Variants in CAMTA2 observed in about 807,000 individuals in gnomAD.
CAMTA2 encodes calmodulin-binding transcription activator 2.
Under a neutral mutation model 135.7 loss-of-function variants are expected in CAMTA2, and 56 were observed. The observed-to-expected ratio is 0.41, with a 90% confidence interval of 0.33 to 0.52. The LOEUF is 0.52. Among genes scored for constraint, CAMTA2 ranks in the 20% least tolerant of loss-of-function variants. The pLI is 0.16. For missense variants in CAMTA2, 1,358 were observed against 1,553.4 expected, an observed-to-expected ratio of 0.87 and a Z score of 2.11; for synonymous variants, 591 against 604.6, an observed-to-expected ratio of 0.98 and a Z score of 0.33.
At position 4,970,530 on chromosome 17, in the gene CAMTA2, T is replaced by C. The variant is rs754591995; in HGVS notation, c.2815A>G (p.Met939Val). The change falls in exon 17 of 23, where the codon ATG becomes GTG. Residue 939 changes from methionine (M) to valine (V), a missense_variant. Physicochemically the swap from Met to Val is conservative, Grantham distance 21 (BLOSUM62 1). This residue lies in a region of CAMTA2 where 1,077 missense variants were observed against 1,127.5 expected (regional missense o/e 0.96). Coordinates refer to ENST00000348066, the MANE Select transcript of CAMTA2 (RefSeq NM_015099.4). ...ATGATCTGCTTGGCTAGTGAGATCA[T>C]GTCCACCTGGAAGAAGGGAGAAGCT... ...PQAVDVIPVD[M>V]ISLAKQIIEA... The C allele has an allele frequency of 1.6e-5, 25 of 1,609,510 alleles. No homozygotes were observed. The Admixed American group carries it at 4.2e-4, about 27-fold the overall frequency.
chr17:4,980,488 T>C lies in CAMTA2; in HGVS notation c.834A>G (p.Pro278=), dbSNP rs751701997. The change falls in exon 9 of 23, where the codon CCA becomes CCG. Residue 278 remains proline (P), a synonymous_variant. Transcript: ENST00000348066. The surrounding 1 kb of genome is among the most constrained non-coding windows in gnomAD (Gnocchi z 5.3). ...HPPEPPPLIA[P]LPPELPKAHT... is the part of the protein sequence containing the mutation. ...GTGCCTTGGGGAGCTCTGGGGGAAG[T>C]GGGGCTATCAGTGGAGGAGGCTCTG... 2 of 1,364,158 alleles carry C rather than the reference T, an allele frequency of 1.5e-6. No homozygotes were observed. The highest frequency in any genetic ancestry group is 4.5e-5 in the African/African-American group (2 of 44,178). 84.5% of individuals were successfully genotyped at this position (1,364,158 alleles called of 1,614,324 possible). A position where few individuals can be genotyped will look rare whatever the true frequency, so the allele number is the denominator to read the frequency against.
Position 4,982,897 on chromosome 17 carries a change from G to T in CAMTA2, c.204-5C>A, listed in dbSNP as rs1322429431. ...ATGATGGAGCCATTCTGAGGCCTGG[G>T]AAGGGAAGGGTTGCCCTGGAGTTCT... is the stretch of plus-strand genomic sequence containing the variant. On this transcript the variant is annotated splice_region_variant and splice_polypyrimidine_tract_variant and intron_variant, in intron 4 of 22. Transcript: ENST00000348066. The T allele has an allele frequency of 6.2e-7, 1 of 1,614,076 alleles. No individual in the cohort carries two copies. The highest frequency in any genetic ancestry group is 8.5e-7 in the Non-Finnish European group (1 of 1,180,050).
At position 4,973,689 on chromosome 17, in the gene CAMTA2, A is replaced by G; in HGVS notation, c.2097T>C (p.Gly699=). 6.2e-7 allele frequency: 1 copy of G among 1,614,156 alleles called. No individual in the cohort carries two copies. The highest frequency in any genetic ancestry group is 1.1e-5 in the South Asian group (1 of 91,086). ...ESMIPRSTWK[G]PERLAHGSPF... ...GGCTTCCATGGGCCAGACGTTCAGG[A>G]CCCTTCCAGGTGGAGCGTGGGATCA... Residue 699 remains glycine (G), a synonymous_variant, in exon 13 of 23, where the codon GGT becomes GGC. Coordinates refer to ENST00000348066, the MANE Select transcript of CAMTA2 (RefSeq NM_015099.4).
At position 4,981,323 on chromosome 17, in the gene CAMTA2, T is replaced by A. The variant is rs770508028; in HGVS notation, c.602A>T (p.Glu201Val). The A allele has an allele frequency of 6.8e-6, 11 of 1,614,086 alleles. No homozygotes were observed. The South Asian group carries it at 1.1e-4, about 16-fold the overall frequency. The change falls in exon 8 of 23, where the codon GAA (glutamate) becomes GTA (valine). Residue 201 changes from glutamate (E) to valine (V), a missense_variant. Physicochemically the swap from Glu to Val is moderately radical, Grantham distance 121. Around this residue, in one of 4 missense-constraint regions of CAMTA2, gnomAD observed 1,077 missense variants for 1,127.5 expected, o/e 0.96. Coordinates refer to ENST00000348066, the MANE Select transcript of CAMTA2 (RefSeq NM_015099.4). ...CACCAGGTGTTCTACAGAGAACTCT[T>A]CTGTTCCATTCCCGCAGCTCCACTT... ...GIKWSCGNGTEEFSVEHLVQQ... is the reference protein window; with the variant it reads ...GIKWSCGNGTVEFSVEHLVQQ...
In CAMTA2 at chr17:4,969,627, C is replaced by T; in HGVS notation, c.3261+3G>A. 1 of 1,614,122 alleles carries T rather than the reference C, an allele frequency of 6.2e-7. No individual in the cohort carries two copies. Among genetic ancestry groups the T allele is most frequent in the Non-Finnish European group, 8.5e-7 (1 of 1,180,018 alleles). On this transcript the variant is annotated splice_donor_region_variant and intron_variant, in intron 19 of 22. Transcript: ENST00000348066. The surrounding 1 kb of genome is among the most constrained non-coding windows in gnomAD (Gnocchi z 5.6). ...TTACACTTTTGAGGGAGAAGGGTCT[C>T]ACCTGCTTGTACTTCCGGTAACAGC... is the stretch of plus-strand genomic sequence containing the variant.
At position 4,970,343 on chromosome 17, in the gene CAMTA2, G is replaced by A; in HGVS notation, c.3002C>T (p.Pro1001Leu). ...GGCTTTGTCCTGAGCTAGTCACCTG[G>A]GAGGGGTTGAGCTGGGGAAATGGTC... is the stretch of plus-strand genomic sequence containing the variant. ...NVDHFPSSTP[P>L]SELPFERGRL... Residue 1001 changes from proline (P) to leucine (L), a missense_variant, in exon 17 of 23, where the codon CCC becomes CTC. Transcript: ENST00000348066. The A allele has an allele frequency of 5.6e-6, 9 of 1,614,176 alleles. No individual in the cohort carries two copies. Among genetic ancestry groups the A allele is most frequent in the Non-Finnish European group, 7.6e-6 (9 of 1,179,972 alleles).
intron 11 of CAMTA2, 68 bp from the exon 12 acceptor site, chr17:4,974,568 C>A (rs1298561407): frequency 1.1e-6 from 1 of 916,886 alleles, no homozygotes; most frequent in Non-Finnish European, 1.8e-6. Flanking sequence ...CAAAAGTAGA[C>A]CTGTCCCAAG....
At position 4,981,338 on chromosome 17, in the gene CAMTA2, C is replaced by A. The variant is rs772623136; in HGVS notation, c.587G>T (p.Cys196Phe). Residue 196 changes from cysteine to phenylalanine, a missense_variant, in exon 8 of 23, where the codon TGC becomes TTC. Coordinates refer to ENST00000348066, the MANE Select transcript of CAMTA2 (RefSeq NM_015099.4). ...KPMFHGIKWS[C>F]GNGTEEFSVE... is the part of the protein sequence containing the mutation. ...AGAGAACTCTTCTGTTCCATTCCCG[C>A]AGCTCCACTTGATGCCATGAACTAG... 1.9e-6 allele frequency: 3 copies of A among 1,613,958 alleles called. No homozygotes were observed. In the African/African-American group the frequency reaches 4.0e-5, roughly 22 times the overall value.
intron 12 of CAMTA2, 120 bp from the exon 13 acceptor site, chr17:4,973,889 A>C (rs1227872060): frequency 2.6e-6 from 2 of 766,364 alleles, no homozygotes; most frequent in Non-Finnish European, 4.1e-6. Context: ...CACATGTCCC[A>C]CTCTAGGATC....
intron 1 of CAMTA2, 128 bp from the exon 2 acceptor site, chr17:4,986,414 G>A: frequency 1.7e-6 from 1 of 594,686 alleles, no homozygotes; most frequent in Non-Finnish European, 3.0e-6. Context: ...GGAGGGAGGG[G>A]CTGACTGTGA....
chr17:4,980,025 C>T lies in CAMTA2; in HGVS notation c.1297G>A (p.Val433Ile), dbSNP rs757086560. 1 of 1,613,698 alleles carries T rather than the reference C, an allele frequency of 6.2e-7. No individual in the cohort carries two copies. Among genetic ancestry groups the T allele is most frequent in the South Asian group, 1.1e-5 (1 of 91,088 alleles). Residue 433 changes from valine to isoleucine, a missense_variant, in exon 9 of 23, where the codon GTA becomes ATA. Around this residue, in one of 4 missense-constraint regions of CAMTA2, gnomAD observed 1,077 missense variants for 1,127.5 expected, o/e 0.96. Coordinates refer to ENST00000348066, the MANE Select transcript of CAMTA2 (RefSeq NM_015099.4). This position sits in a 1 kb window ranked among gnomAD's most constrained non-coding sequence, Gnocchi z 5.3. Reference sequence around the variant, plus strand: ...CAGTTTCCTCTTCTCCCACCTGCTACTGACTGTGGTGGGGGACCCCGAGCA... The same window carrying T: ...CAGTTTCCTCTTCTCCCACCTGCTATTGACTGTGGTGGGGGACCCCGAGCA... ...AAARGPPPQS[V>I]AGGRRGNCFF...
intron 5 of CAMTA2, 43 bp downstream of exon 5, chr17:4,982,714 A>C: frequency 1.2e-6 from 2 of 1,610,108 alleles, no homozygotes; most frequent in Non-Finnish European, 1.7e-6. Context: ...AGGGTGGAGG[A>C]GGGCAGGCTC....
chr17:4,978,767 G>A, intron 9 of CAMTA2, 137 bp from the exon 10 acceptor site: 3 of 925,672 alleles, frequency 3.2e-6, no homozygotes, highest in Non-Finnish European at 4.7e-6. Context: ...GGATAGACAG[G>A]ACCCAGTGGG....
intron 5 of CAMTA2, chr17:4,982,369 C>A: frequency 1.7e-6 from 1 of 598,568 alleles, no homozygotes. Flanking sequence ...TAGTGAGGAC[C>A]AGATTTGAGA....
rs758816381 is a variant in CAMTA2, at chr17:4,969,386, C to T, written c.3283-49G>A. 1.9e-6 allele frequency: 3 copies of T among 1,610,044 alleles called. No homozygotes were observed. The highest frequency in any genetic ancestry group is 1.3e-5 in the African/African-American group (1 of 74,830). On this transcript the variant is annotated intron_variant, in intron 20 of 22. Transcript: ENST00000348066. This position sits in a 1 kb window ranked among gnomAD's most constrained non-coding sequence, Gnocchi z 5.6. ...AGGGGCTGAAATAGAGGGACGGAGA[C>T]CCAAAGCCCTGAGGCTCACCCAAGT...
intron 11 of CAMTA2, among the ~76,000 whole-genome samples, chr17:4,974,957 G>A (rs1388772308): frequency 6.6e-6 from 1 of 152,182 alleles, no homozygotes; most frequent in Non-Finnish European, 1.5e-5. Context: ...CAGGGACTGT[G>A]ATTTGAAAAG....
In CAMTA2 at chr17:4,972,236, A is replaced by T. The variant is rs544422438; in HGVS notation, c.2804T>A (p.Ile935Asn). 1 of 1,613,314 alleles carries T rather than the reference A, an allele frequency of 6.2e-7. No individual in the cohort carries two copies. The highest frequency in any genetic ancestry group is 2.2e-5 in the East Asian group (1 of 44,882). Residue 935 changes from isoleucine (I) to asparagine (N), a missense_variant, in exon 16 of 23, where the codon ATC (isoleucine) becomes AAC (asparagine). Ile to Asn is a moderately radical substitution (Grantham distance 149). Transcript: ENST00000348066. ...DADSPQAVDV[I>N]PVDMISLAKQ... Reference sequence around the variant, plus strand: ...CTCCATCAATATAAGCAGTACCGGGATCACATCCACAGCCTGTGGGCTGTC... The same window carrying T: ...CTCCATCAATATAAGCAGTACCGGGTTCACATCCACAGCCTGTGGGCTGTC...
chr17:4,981,074 G>T, intron 8 of CAMTA2, 151 bp downstream of exon 8: 1 of 971,140 alleles, frequency 1.0e-6, no homozygotes, highest in Non-Finnish European at 1.6e-6. Context: ...CACCCAGATG[G>T]GAACGTCTGT....
Position 4,979,829 on chromosome 17 carries a change from A to C in CAMTA2, c.1493T>G (p.Leu498Arg). 6.2e-7 allele frequency: 1 copy of C among 1,611,824 alleles called. No homozygotes were observed. Among genetic ancestry groups the C allele is most frequent in the South Asian group, 1.1e-5 (1 of 90,946 alleles). The change falls in exon 9 of 23, where the codon CTG becomes CGG. Residue 498 changes from leucine to arginine, a missense_variant. Leu to Arg is a moderately radical substitution (Grantham distance 102, BLOSUM62 -2). Coordinates refer to ENST00000348066, the MANE Select transcript of CAMTA2 (RefSeq NM_015099.4). ...GAATGATGAAAGACTGAAGGGCTCC[A>C]GTTCACTGGCCCCAACAGGTCCTCC... ...LFGGPVGASE[L>R]EPFSLSSFPD...
Sources: gnomAD v4.1 joint callset for allele counts (sites outside exome capture counted in the v4.1 genomes callset) on GRCh38, gnomAD v4.1.1 for gene constraint, gnomAD v4.1.1 regional missense constraint, Gnocchi (gnomAD v3.1) non-coding constraint, MANE v1.5 for transcripts, NCBI Gene and HGNC (gene_info 2026-07-23, HGNC 2026-07-21) for gene names.